The following DCLK1 variants were observed in gnomAD, a reference collection of about 807,000 sequenced individuals.
DCLK1 encodes the protein doublecortin like kinase 1.
In DCLK1, 16 loss-of-function variants were observed where a neutral mutation model predicts 86.2. The observed-to-expected ratio is 0.19, with a 90% CI of 0.13 to 0.28. DCLK1 has a LOEUF of 0.28. Among genes scored for constraint, DCLK1 ranks in the 10% least tolerant of loss-of-function variants. The probability of loss-of-function intolerance (pLI) is 1.00; values close to 1 mark genes in which losing one functional copy is unlikely to be tolerated. For missense variants in DCLK1, 590 were observed against 940.2 expected, an observed-to-expected ratio of 0.63 and a Z score of 4.87; for synonymous variants, 369 against 370.5, an observed-to-expected ratio of 1.00 and a Z score of 0.05.
intron 16 of DCLK1, among the ~76,000 whole-genome samples, chr13:35,789,089 C>T (rs1345656658): frequency 1.3e-5 from 2 of 152,090 alleles, no homozygotes; most frequent in African/African-American, 2.4e-5. Context: ...CTTTTGGGTA[C>T]CTGGGGATAA....
At chr13:35,818,181 C>T (rs2087312098) in intron 11 of DCLK1, among the ~76,000 whole-genome samples, 1 of 152,100 alleles carries the variant, frequency 6.6e-6, no homozygotes, top group African/African-American at 2.4e-5. Flanking sequence ...TTGTCCATGA[C>T]CTCTAGACCC....
At chr13:35,775,626 A>C (rs974535644) in intron 16 of DCLK1, among the ~76,000 whole-genome samples, 1 of 152,252 alleles carries the variant, frequency 6.6e-6, no homozygotes, top group African/African-American at 2.4e-5. Flanking sequence ...CTGAAGAAAA[A>C]TATAGAACAC....
intron 3 of DCLK1, among the ~76,000 whole-genome samples, chr13:36,050,904 G>A (rs1883098709): frequency 1.3e-5 from 2 of 152,126 alleles, no homozygotes; most frequent in South Asian, 2.1e-4. Flanking sequence ...AGTCAGGAAT[G>A]AGGAGTGCCA....
At chr13:36,008,229 T>C (rs1881094432) in intron 3 of DCLK1, among the ~76,000 whole-genome samples, 1 of 130,652 alleles carries the variant, frequency 7.7e-6, no homozygotes, top group Admixed American at 8.2e-5. Context: ...TTATTATTAT[T>C]TTTTTAATTA....
At chr13:35,891,574 T>G (rs1873646057) in intron 4 of DCLK1, among the ~76,000 whole-genome samples, 1 of 152,204 alleles carries the variant, frequency 6.6e-6, no homozygotes, top group African/African-American at 2.4e-5. Flanking sequence ...GCGAATGTAC[T>G]AAAAACCATC....
chr13:35,793,776 G>A (rs1470873577), intron 15 of DCLK1, among the ~76,000 whole-genome samples: 2 of 151,966 alleles, frequency 1.3e-5, no homozygotes, highest in African/African-American at 2.4e-5. Flanking sequence ...TTCCAACCAC[G>A]GCTCTAGGAA....
chr13:35,836,469 G>A (rs1242970026), intron 7 of DCLK1, among the ~76,000 whole-genome samples: 3 of 152,210 alleles, frequency 2.0e-5, no homozygotes, highest in Non-Finnish European at 4.4e-5. Context: ...AGTGTTTACT[G>A]AATACCCACT....
intron 4 of DCLK1, among the ~76,000 whole-genome samples, 168 bp downstream of exon 4, chr13:35,947,190 C>T (rs1026343497): frequency 6.6e-6 from 1 of 151,684 alleles, no homozygotes. Flanking sequence ...ATCTGTTTTC[C>T]ATATTTAAAA....
intron 3 of DCLK1, among the ~76,000 whole-genome samples, chr13:36,004,679 G>A (rs1351014930): frequency 6.6e-6 from 1 of 152,002 alleles, no homozygotes; most frequent in South Asian, 2.1e-4. Flanking sequence ...GGGTTCAAGC[G>A]ATCCTCCCAC....
intron 5 of DCLK1, among the ~76,000 whole-genome samples, chr13:35,856,707 A>AT (rs1871081684): frequency 6.6e-6 from 1 of 152,192 alleles, no homozygotes; most frequent in African/African-American, 2.4e-5. Context: ...TTTTTAAGGC[A>AT]TTTTTTGAAA....
chr13:36,047,208 G>A (rs1219594225), intron 3 of DCLK1, among the ~76,000 whole-genome samples: 1 of 152,160 alleles, frequency 6.6e-6, no homozygotes, highest in African/African-American at 2.4e-5. Context: ...GGAGAAAAGG[G>A]AACCCCTTGT....
intron 2 of DCLK1, among the ~76,000 whole-genome samples, chr13:36,115,127 C>T (rs117478991): frequency 0.019 from 2,855 of 152,226 alleles, 33 homozygotes; most frequent in Non-Finnish European, 0.029. Flanking sequence ...GATTGTGCTA[C>T]TGCACTCCAG....
chr13:35,883,907 C>T (rs765121286), intron 4 of DCLK1, among the ~76,000 whole-genome samples: 20 of 152,152 alleles, frequency 1.3e-4, no homozygotes, highest in Non-Finnish European at 1.8e-4. Flanking sequence ...GCTTCATGTG[C>T]CAAAGTGCAG....
At position 35,848,111 on chromosome 13, in the gene DCLK1, C is replaced by CG. The variant is rs573261531; in HGVS notation, c.1035+6387dup. 196 of 985,252 alleles carry CG rather than the reference C, an allele frequency of 2.0e-4. 3 individuals carry two copies. In the African/African-American group the frequency reaches 3.3e-3, roughly 16 times the overall value. 61.0% of individuals were successfully genotyped at this position (985,252 alleles called of 1,614,324 possible). Reference sequence around the variant, plus strand: ...AAGTATCGAACTTTGAACTACAGCACGATGTCTTCAGAGCGCATTTAAGGA... The same window carrying CG: ...AAGTATCGAACTTTGAACTACAGCACGGATGTCTTCAGAGCGCATTTAAGGA... On this transcript the variant is annotated intron_variant, in intron 6 of 16. Transcript: ENST00000360631.
chr13:35,984,981 T>C (rs1233542044), intron 3 of DCLK1, among the ~76,000 whole-genome samples: 1 of 152,130 alleles, frequency 6.6e-6, no homozygotes, highest in African/African-American at 2.4e-5. Flanking sequence ...TAATTGTGTC[T>C]CTGTGGTGCC....
intron 4 of DCLK1, among the ~76,000 whole-genome samples, chr13:35,904,278 C>T (rs1303478882): frequency 6.6e-6 from 1 of 152,132 alleles, no homozygotes; most frequent in Non-Finnish European, 1.5e-5. Flanking sequence ...TGCAGTGGCT[C>T]GATCTTGGCC....
At chr13:35,805,976 A>G (rs373776257) in intron 14 of DCLK1, among the ~76,000 whole-genome samples, 197 bp from the exon 15 acceptor site, 1 of 152,244 alleles carries the variant, frequency 6.6e-6, no homozygotes, top group South Asian at 2.1e-4. Context: ...TTGTAAATAC[A>G]TAGCTTGTGG....
At chr13:35,961,268 G>A (rs948672572) in intron 3 of DCLK1, among the ~76,000 whole-genome samples, 1 of 152,148 alleles carries the variant, frequency 6.6e-6, no homozygotes, top group African/African-American at 2.4e-5. Context: ...AGTGTTCAGA[G>A]AAAAGCAAAT....
At chr13:36,033,493 G>C (rs950502723) in intron 3 of DCLK1, among the ~76,000 whole-genome samples, 1 of 152,048 alleles carries the variant, frequency 6.6e-6, no homozygotes, top group Admixed American at 6.6e-5. Flanking sequence ...TCTTAATATT[G>C]GTGTGACTCA....
Sources: gnomAD v4.1 joint callset for allele counts (sites outside exome capture counted in the v4.1 genomes callset) on GRCh38, gnomAD v4.1.1 for gene constraint, MANE v1.5 for transcripts, NCBI Gene and HGNC (gene_info 2026-07-23, HGNC 2026-07-21) for gene names.